ZNF407: variants seen among roughly 807,000 people sequenced by gnomAD.
ZNF407 encodes zinc finger protein 407.
ZNF407 carries 17 observed loss-of-function variants against 131.2 expected under a neutral mutation model. The ratio of observed to expected loss-of-function variants is 0.13; its 90% CI spans 0.09 to 0.19. The LOEUF (loss-of-function observed/expected upper bound fraction) is 0.19. Among genes scored for constraint, ZNF407 ranks in the 10% least tolerant of loss-of-function variants. The probability of loss-of-function intolerance (pLI) is 1.00; values close to 1 mark genes in which losing one functional copy is unlikely to be tolerated. For synonymous variants in ZNF407, 1,156 were observed against 1,062.0 expected (o/e 1.09, Z -1.72); for missense variants, 2,681 against 2,830.6 (o/e 0.95, Z 1.20).
At chr18:75,054,655 T>G (rs965463754) in intron 8 of ZNF407, among the ~76,000 whole-genome samples, 1 of 152,248 alleles carries the variant, frequency 6.6e-6, no homozygotes, top group Non-Finnish European at 1.5e-5. Context: ...CTGATACTGT[T>G]TATCTGCATT....
chr18:74,878,904 A>G (rs1215728579), intron 5 of ZNF407, among the ~76,000 whole-genome samples: 2 of 151,304 alleles, frequency 1.3e-5, no homozygotes, highest in Admixed American at 6.6e-5. Context: ...AAAAAAAAAA[A>G]GGCAAGTGAA....
chr18:74,955,379 G>A (rs1395743561), intron 8 of ZNF407, among the ~76,000 whole-genome samples: 1 of 152,172 alleles, frequency 6.6e-6, no homozygotes, highest in Non-Finnish European at 1.5e-5. Flanking sequence ...ATTTGGTAGA[G>A]GACATAGCTG....
At chr18:75,013,377 A>T (rs1568300905) in intron 8 of ZNF407, among the ~76,000 whole-genome samples, 1 of 152,136 alleles carries the variant, frequency 6.6e-6, no homozygotes, top group Non-Finnish European at 1.5e-5. Flanking sequence ...ACTTTTAATG[A>T]CAAAATCAAA....
intron 3 of ZNF407, among the ~76,000 whole-genome samples, chr18:74,727,417 G>GT (rs1219895237): frequency 2.0e-5 from 3 of 152,208 alleles, no homozygotes; most frequent in South Asian, 4.1e-4. Flanking sequence ...CTGGTTATTT[G>GT]TTTTTTGGGT....
chr18:74,926,908 C>T (rs1263512778), intron 8 of ZNF407, among the ~76,000 whole-genome samples: 1 of 152,204 alleles, frequency 6.6e-6, no homozygotes, highest in Non-Finnish European at 1.5e-5. Flanking sequence ...ATCTGCCTAA[C>T]ACCGTGGAGC....
intron 3 of ZNF407, among the ~76,000 whole-genome samples, chr18:74,741,845 A>C (rs1457459764): frequency 6.6e-6 from 1 of 152,132 alleles, no homozygotes; most frequent in Non-Finnish European, 1.5e-5. Context: ...GTTACTTGGA[A>C]TCTGTCATGC....
At chr18:74,679,031 G>T (rs1392499773) in intron 3 of ZNF407, among the ~76,000 whole-genome samples, 1 of 151,760 alleles carries the variant, frequency 6.6e-6, no homozygotes, top group Non-Finnish European at 1.5e-5. Context: ...AAAATGATGG[G>T]TAGAGTAGGA....
At chr18:74,834,158 T>C (rs927810869) in intron 4 of ZNF407, among the ~76,000 whole-genome samples, 2 of 152,236 alleles carry the variant, frequency 1.3e-5, no homozygotes, top group African/African-American at 2.4e-5. Flanking sequence ...TTAACCCTTA[T>C]GTGGCGCAGA....
chr18:74,813,350 C>T (rs1192174674), intron 4 of ZNF407, among the ~76,000 whole-genome samples: 1 of 152,176 alleles, frequency 6.6e-6, no homozygotes, highest in African/African-American at 2.4e-5. Flanking sequence ...TTCAGGCTCA[C>T]ACTCTGCGCA....
At chr18:74,994,650 C>G (rs951622190) in intron 8 of ZNF407, among the ~76,000 whole-genome samples, 3 of 152,202 alleles carry the variant, frequency 2.0e-5, no homozygotes, top group Non-Finnish European at 4.4e-5. Context: ...TGTTTAGATT[C>G]TCAAACGGTA....
At chr18:74,793,331 G>A (rs1969860692) in intron 4 of ZNF407, among the ~76,000 whole-genome samples, 1 of 152,150 alleles carries the variant, frequency 6.6e-6, no homozygotes, top group Non-Finnish European at 1.5e-5. Context: ...TTAGTTTTCA[G>A]GTTTGGTGTT....
At chr18:74,705,756 CA>C (rs1182220788) in intron 3 of ZNF407, among the ~76,000 whole-genome samples, 1 of 151,916 alleles carries the variant, frequency 6.6e-6, no homozygotes, top group Non-Finnish European at 1.5e-5. Context: ...ACATTTTTGA[CA>C]ATATGAAAAT....
intron 7 of ZNF407, among the ~76,000 whole-genome samples, chr18:74,916,219 T>C (rs1159373426): frequency 1.8e-5 from 2 of 111,164 alleles, no homozygotes; most frequent in African/African-American, 9.1e-5. Flanking sequence ...TATGTGTGTG[T>C]GTACATGTGT....
At chr18:74,676,577 C>A (rs1016567352) in intron 3 of ZNF407, among the ~76,000 whole-genome samples, 1 of 151,380 alleles carries the variant, frequency 6.6e-6, no homozygotes, top group African/African-American at 2.4e-5. Context: ...GCTGGGACTA[C>A]AGGCGCCCAC....
intron 4 of ZNF407, among the ~76,000 whole-genome samples, chr18:74,838,903 TTATC>T (rs1450095558): frequency 2.6e-5 from 4 of 152,198 alleles, no homozygotes; most frequent in East Asian, 1.9e-4. Context: ...TCACTATTGA[TTATC>T]TAGGAGTTAT....
chr18:74,627,909 C>CT (rs1983873422), intron 1 of ZNF407, among the ~76,000 whole-genome samples: 1 of 135,324 alleles, frequency 7.4e-6, no homozygotes, highest in Non-Finnish European at 1.6e-5. Flanking sequence ...GGGTCTCACT[C>CT]TGTTGCCCAG....
At chr18:74,949,417 C>T (rs1018740097) in intron 8 of ZNF407, among the ~76,000 whole-genome samples, 1 of 152,138 alleles carries the variant, frequency 6.6e-6, no homozygotes, top group Non-Finnish European at 1.5e-5. Context: ...CTGTCATACA[C>T]GATAATTCTG....
At chr18:75,031,477 T>C (rs995107580) in intron 8 of ZNF407, among the ~76,000 whole-genome samples, 1 of 152,184 alleles carries the variant, frequency 6.6e-6, no homozygotes, top group African/African-American at 2.4e-5. Context: ...GATCAAAATA[T>C]TAATTAGACT....
intron 8 of ZNF407, among the ~76,000 whole-genome samples, chr18:74,974,177 C>CTGTG (rs1972502952): frequency 6.6e-6 from 1 of 152,098 alleles, no homozygotes; most frequent in Admixed American, 6.6e-5. Context: ...ACCTCGAATC[C>CTGTG]TGTGTATCCT....
Sources: gnomAD v4.1 joint callset for allele counts (sites outside exome capture counted in the v4.1 genomes callset) on GRCh38, gnomAD v4.1.1 for gene constraint, MANE v1.5 for transcripts, NCBI Gene and HGNC (gene_info 2026-07-23, HGNC 2026-07-21) for gene names.